The following ANK3 variants were observed in gnomAD, a reference collection of about 807,000 sequenced individuals.
ANK3 encodes ankyrin 3, also known as ankyrin-3.
Under a neutral mutation model 370.9 loss-of-function variants are expected in ANK3, and 57 were observed. That is an observed-to-expected ratio of 0.15 (90% CI 0.12 to 0.19). The LOEUF (loss-of-function observed/expected upper bound fraction) is 0.19. ANK3 is among the 10% of genes least tolerant of loss of function. The probability of loss-of-function intolerance (pLI) is 1.00; values close to 1 mark genes in which losing one functional copy is unlikely to be tolerated. For synonymous variants in ANK3, 1,929 were observed against 1,946.3 expected (o/e 0.99, Z 0.23); for missense variants, 4,439 against 5,302.1 (o/e 0.84, Z 5.06).
chr10:60,511,990 C>A (rs2076096218), intron 2 of ANK3, among the ~76,000 whole-genome samples: 1 of 151,982 alleles, frequency 6.6e-6, no homozygotes, highest in Non-Finnish European at 1.5e-5. Context: ...ACTTTAGCAG[C>A]TCTCCACAGA....
chr10:60,519,688 G>A (rs2076304801), intron 2 of ANK3, among the ~76,000 whole-genome samples: 1 of 152,098 alleles, frequency 6.6e-6, no homozygotes, highest in African/African-American at 2.4e-5. Flanking sequence ...CACCTACTAT[G>A]CTCTAGGCCC....
chr10:60,643,713 T>A (rs1024585738), intron 1 of ANK3, among the ~76,000 whole-genome samples: 8 of 152,062 alleles, frequency 5.3e-5, no homozygotes, highest in African/African-American at 1.9e-4. Flanking sequence ...TGTGACCCCA[T>A]CTCCCGAAGC....
rs767210851 is a variant in ANK3, at chr10:60,205,785, T to A, written c.1293+7A>T. On this transcript the variant is annotated splice_region_variant and intron_variant, in intron 11 of 43. Transcript: ENST00000280772. ...TCAGGACTCCCAGAAATCTTAACTCTTCTCACCTCGGTTACAGCTTGGATG... is the reference window on the plus strand; with the variant it reads ...TCAGGACTCCCAGAAATCTTAACTCATCTCACCTCGGTTACAGCTTGGATG... 4 of 1,606,738 alleles carry A rather than the reference T, an allele frequency of 2.5e-6. No homozygotes were observed. Among genetic ancestry groups the A allele is most frequent in the Non-Finnish European group, 3.4e-6 (4 of 1,173,302 alleles).
intron 26 of ANK3, among the ~76,000 whole-genome samples, chr10:60,113,003 T>G (rs1350913757): frequency 6.6e-6 from 1 of 152,202 alleles, no homozygotes; most frequent in Admixed American, 6.5e-5. Flanking sequence ...TGGATGTCAA[T>G]TATCCCAAAT....
Position 60,070,564 on chromosome 10 carries a change from C to T in ANK3, c.10317G>A (p.Met3439Ile). The T allele has an allele frequency of 6.2e-7, 1 of 1,614,120 alleles. No homozygotes were observed. Residue 3439 changes from methionine to isoleucine, a missense_variant, in exon 37 of 44, where the codon ATG becomes ATA. Physicochemically the swap from Met to Ile is conservative, Grantham distance 10 (BLOSUM62 1). Coordinates refer to ENST00000280772, the MANE Select transcript of ANK3 (RefSeq NM_020987.5). The surrounding 1 kb of genome is among the most constrained non-coding windows in gnomAD (Gnocchi z 5.7). ...ESDSKLPIQA[M>I]EIKKDIWNTE... Reference sequence around the variant, plus strand: ...TGTTCCAGATATCTTTCTTAATTTCCATGGCTTGAATTGGGAGTTTAGAAT... The same window carrying T: ...TGTTCCAGATATCTTTCTTAATTTCTATGGCTTGAATTGGGAGTTTAGAAT...
chr10:60,411,492 G>A (rs971556874), intron 2 of ANK3, among the ~76,000 whole-genome samples: 1 of 152,208 alleles, frequency 6.6e-6, no homozygotes, highest in Non-Finnish European at 1.5e-5. Context: ...GGTCTGGGGA[G>A]AAGGGAGCAT....
chr10:60,383,235 C>T (rs892495023), intron 1 of ANK3, among the ~76,000 whole-genome samples: 7 of 152,144 alleles, frequency 4.6e-5, no homozygotes, highest in African/African-American at 1.4e-4. Context: ...TCCGTTTATT[C>T]TTCTGTTCAT....
At chr10:60,714,913 G>A (rs1248848673) in intron 1 of ANK3, among the ~76,000 whole-genome samples, 1 of 152,108 alleles carries the variant, frequency 6.6e-6, no homozygotes, top group Admixed American at 6.6e-5. Flanking sequence ...GAGAATACAA[G>A]CATCATACAT....
intron 1 of ANK3, among the ~76,000 whole-genome samples, chr10:60,355,419 C>T (rs764855791): frequency 7.9e-5 from 12 of 152,052 alleles, no homozygotes; most frequent in African/African-American, 2.9e-4. Context: ...CCTGTTCCCT[C>T]GGGATCCTTT....
intron 1 of ANK3, among the ~76,000 whole-genome samples, chr10:60,316,892 G>A (rs571043322): frequency 5.3e-5 from 8 of 151,954 alleles, no homozygotes; most frequent in East Asian, 1.9e-4. Flanking sequence ...GACTACAGGC[G>A]CCCGCCACCA....
chr10:60,561,272 A>C (rs2077328200), intron 2 of ANK3, among the ~76,000 whole-genome samples: 2 of 152,208 alleles, frequency 1.3e-5, no homozygotes, highest in Admixed American at 1.3e-4. Flanking sequence ...CTTCATTGAT[A>C]TCATTTGCAA....
rs200320007 is a variant in ANK3 at position 60,059,956 on chromosome 10, T to A, written c.12596-526A>T. 8.3e-5 allele frequency: 134 copies of A among 1,612,930 alleles called. 1 individual carries two copies. The highest frequency in any genetic ancestry group is 1.6e-4 in the Middle Eastern group (1 of 6,072). On this transcript the variant is annotated intron_variant, in intron 40 of 43. Transcript: ENST00000280772. The stretch of plus-strand genomic sequence containing the variant: ...TCTTGCTGGAAAGGGGTAGGTGGTG[T>A]GTAGTGCAACCCTGTGGGGGTTTCC...
chr10:60,252,569 A>C (rs1000613095), intron 7 of ANK3, among the ~76,000 whole-genome samples: 5 of 152,168 alleles, frequency 3.3e-5, no homozygotes, highest in African/African-American at 1.2e-4. Flanking sequence ...ACAATTCTAG[A>C]GCAGCACCCC....
chr10:60,129,260 C>T (rs2093938230), intron 25 of ANK3, among the ~76,000 whole-genome samples: 1 of 152,164 alleles, frequency 6.6e-6, no homozygotes, highest in Admixed American at 6.6e-5. Flanking sequence ...AATACATATG[C>T]CCAAGAACCC....
chr10:60,474,206 T>C (rs529742038), intron 2 of ANK3, among the ~76,000 whole-genome samples: 19 of 152,136 alleles, frequency 1.2e-4, no homozygotes, highest in Non-Finnish European at 2.1e-4. Context: ...TAGTAGCAGA[T>C]AGAAATCCAC....
chr10:60,071,709 T>C lies in ANK3; in HGVS notation c.9172A>G (p.Lys3058Glu). The C allele has an allele frequency of 1.3e-6, 2 of 1,597,876 alleles. No homozygotes were observed. The highest frequency in any genetic ancestry group is 1.7e-6 in the Non-Finnish European group (2 of 1,174,286). ...SPDSLEFSPGKESPSSDVFDH... is the reference protein window; with the variant it reads ...SPDSLEFSPGEESPSSDVFDH... ...AATACATCACTAGAGGGAGATTCCTTTCCTGGGCTAAACTCTAAAGAATCA... is the reference window on the plus strand; with the variant it reads ...AATACATCACTAGAGGGAGATTCCTCTCCTGGGCTAAACTCTAAAGAATCA... The change falls in exon 37 of 44, where the codon AAG (lysine) becomes GAG (glutamate). Residue 3058 changes from lysine to glutamate, a missense_variant. Coordinates refer to ENST00000280772, the MANE Select transcript of ANK3 (RefSeq NM_020987.5).
At chr10:60,442,147 G>A (rs956515640) in intron 2 of ANK3, among the ~76,000 whole-genome samples, 4 of 149,848 alleles carry the variant, frequency 2.7e-5, no homozygotes, top group African/African-American at 9.9e-5. Context: ...CCAGGCTGGA[G>A]TGTAGTGGGG....
In ANK3 at chr10:60,206,626, C is replaced by G. The variant is rs2096767446; in HGVS notation, c.1195-736G>C. The stretch of plus-strand genomic sequence containing the variant: ...TTTTAGGACAACTACAAGACCAGCT[C>G]TAAAACGTTTTGATTTCTTCTCTAG... On this transcript the variant is annotated intron_variant, in intron 10 of 43. Transcript: ENST00000280772. 2.6e-5 allele frequency among the ~76,000 whole-genome samples: 4 copies of G among 152,178 alleles called. No homozygotes were observed. In the South Asian group the frequency reaches 8.3e-4, roughly 32 times the overall value.
At chr10:60,298,719 A>T (rs1017513531) in intron 1 of ANK3, among the ~76,000 whole-genome samples, 1 of 152,210 alleles carries the variant, frequency 6.6e-6, no homozygotes, top group South Asian at 2.1e-4. Context: ...AGGAGGCAGA[A>T]ACAAGATGGT....
Sources: allele counts gnomAD v4.1 joint callset (sites outside exome capture counted in the v4.1 genomes callset), GRCh38; gene constraint gnomAD v4.1.1; non-coding constraint Gnocchi (gnomAD v3.1); transcripts MANE v1.5; gene names NCBI Gene and HGNC (gene_info 2026-07-23, HGNC 2026-07-21).